Variants in TTC28 observed in about 807,000 individuals in gnomAD.
TTC28 encodes the protein tetratricopeptide repeat domain 28.
In TTC28, 61 loss-of-function variants were observed where a neutral mutation model predicts 198.0. The observed-to-expected ratio is 0.31, with a 90% CI of 0.25 to 0.38. The LOEUF is 0.38. TTC28 is among the 10% of genes least tolerant of loss of function. The pLI is 1.00. For synonymous variants in TTC28, 1,171 were observed against 1,297.8 expected (o/e 0.90, Z 2.10); for missense variants, 2,678 against 3,164.0 (o/e 0.85, Z 3.69).
intron 5 of TTC28, among the ~76,000 whole-genome samples, chr22:28,169,433 A>C (rs1446166178): frequency 6.6e-6 from 1 of 152,228 alleles, no homozygotes; most frequent in Non-Finnish European, 1.5e-5. Flanking sequence ...AATGTCCAAC[A>C]ATGATAGACT....
intron 2 of TTC28, among the ~76,000 whole-genome samples, chr22:28,491,655 G>C (rs1412143700): frequency 6.6e-6 from 1 of 152,200 alleles, no homozygotes; most frequent in Non-Finnish European, 1.5e-5. Context: ...CTTTTACACT[G>C]TTGGTGGGAC....
intron 2 of TTC28, among the ~76,000 whole-genome samples, chr22:28,468,680 C>T (rs1242226776): frequency 2.7e-5 from 4 of 148,122 alleles, no homozygotes; most frequent in Admixed American, 7.0e-5. Context: ...CCCGCCAACT[C>T]GCCCGGCTAA....
Position 28,030,257 on chromosome 22 carries a change from G to A in TTC28, c.4042C>T (p.Arg1348Trp), listed in dbSNP as rs961236168. The part of the protein sequence containing the change: ...NSVTDPTGFL[R>W]MVRRNNLFNR... Reference sequence around the variant, plus strand: ...AACAGGTTATTGCGGCGAACCATCCGCAGAAAGCCAGTGGGGTCAGTGACC... The same window carrying A: ...AACAGGTTATTGCGGCGAACCATCCACAGAAAGCCAGTGGGGTCAGTGACC... Residue 1348 changes from arginine (R) to tryptophan (W), a missense_variant, in exon 13 of 23, where the codon CGG becomes TGG. Arg to Trp is a moderately radical substitution (Grantham distance 101, BLOSUM62 -3). This residue lies in a region of TTC28 where 727 missense variants were observed against 861.9 expected (regional missense o/e 0.84). Coordinates refer to ENST00000397906, the MANE Select transcript of TTC28 (RefSeq NM_001145418.2). The A allele has an allele frequency of 2.3e-5, 35 of 1,551,732 alleles. No homozygotes were observed. The East Asian group carries it at 7.3e-4, about 33-fold the overall frequency.
At chr22:28,378,015 C>A (rs547677495) in intron 2 of TTC28, among the ~76,000 whole-genome samples, 46 of 152,000 alleles carry the variant, frequency 3.0e-4, no homozygotes, top group Non-Finnish European at 5.2e-4. Flanking sequence ...CAAAAAGACA[C>A]AAAGCAAAAA....
At chr22:28,417,457 A>T (rs572778043) in intron 2 of TTC28, among the ~76,000 whole-genome samples, 1 of 152,222 alleles carries the variant, frequency 6.6e-6, no homozygotes, top group South Asian at 2.1e-4. Flanking sequence ...CCTGGGCAAC[A>T]CAGTGAGACC....
chr22:28,308,343 C>T (rs990596596), intron 2 of TTC28, among the ~76,000 whole-genome samples: 3 of 152,094 alleles, frequency 2.0e-5, no homozygotes, highest in Non-Finnish European at 4.4e-5. Context: ...TACAGAAATG[C>T]TATATTAAAA....
chr22:28,087,566 C>G (rs954473644), intron 12 of TTC28, among the ~76,000 whole-genome samples: 23 of 152,074 alleles, frequency 1.5e-4, no homozygotes, highest in Admixed American at 9.2e-4. Flanking sequence ...TACTGAATGG[C>G]CAAAAACTGG....
At chr22:28,472,254 T>C (rs762009669) in intron 2 of TTC28, among the ~76,000 whole-genome samples, 6 of 152,172 alleles carry the variant, frequency 3.9e-5, no homozygotes, top group Non-Finnish European at 4.4e-5. Flanking sequence ...TTTTTAAAAA[T>C]ACATTGACAT....
intron 3 of TTC28, among the ~76,000 whole-genome samples, chr22:28,301,355 G>C (rs1448607762): frequency 2.0e-5 from 3 of 152,162 alleles, no homozygotes; most frequent in Non-Finnish European, 4.4e-5. Context: ...ACATGAAATA[G>C]GCAATGTCAA....
chr22:28,110,544 T>C (rs1942452861), intron 6 of TTC28, among the ~76,000 whole-genome samples: 1 of 152,190 alleles, frequency 6.6e-6, no homozygotes, highest in African/African-American at 2.4e-5. Flanking sequence ...CCATGGTAAT[T>C]CTTCTGTATA....
chr22:28,382,921 A>G (rs962524630), intron 2 of TTC28, among the ~76,000 whole-genome samples: 1 of 152,152 alleles, frequency 6.6e-6, no homozygotes, highest in South Asian at 2.1e-4. Context: ...AACCACCTTC[A>G]CCTAAATTCC....
chr22:28,193,907 G>C (rs914621854), intron 5 of TTC28, among the ~76,000 whole-genome samples: 3 of 152,040 alleles, frequency 2.0e-5, no homozygotes, highest in African/African-American at 7.2e-5. Flanking sequence ...GGATTTCCAC[G>C]ACTTGAACTC....
At chr22:28,654,339 A>T (rs567070244) in intron 1 of TTC28, among the ~76,000 whole-genome samples, 15 of 151,188 alleles carry the variant, frequency 9.9e-5, no homozygotes, top group Admixed American at 3.3e-4. Context: ...AAATATATAT[A>T]TTTTTTTGAG....
In TTC28 at chr22:28,094,112, C is replaced by T. The variant is rs1601612348; in HGVS notation, c.3900G>A (p.Arg1300=). Residue 1300 remains arginine, a synonymous_variant, in exon 12 of 23, where the codon CGG becomes CGA. Transcript: ENST00000397906. ...AGTGAGACTCCACCCCCAGGGCCTC[C>T]CGGACACTGGCAATGTGCTGCTCCA... ...SALEQHIASV[R]EALGVESHYS... is the part of the protein sequence containing the mutation. The T allele has an allele frequency of 6.4e-7, 1 of 1,551,010 alleles. No individual in the cohort carries two copies. Among genetic ancestry groups the T allele is most frequent in the Non-Finnish European group, 8.7e-7 (1 of 1,146,730 alleles).
intron 2 of TTC28, among the ~76,000 whole-genome samples, chr22:28,377,269 A>C (rs1015378117): frequency 2.0e-5 from 3 of 151,598 alleles, no homozygotes; most frequent in Non-Finnish European, 4.4e-5. Context: ...AAAAAAAAAA[A>C]AACCTTGTAA....
At chr22:28,460,538 A>C (rs1320753383) in intron 2 of TTC28, among the ~76,000 whole-genome samples, 2 of 151,632 alleles carry the variant, frequency 1.3e-5, no homozygotes, top group Non-Finnish European at 2.9e-5. Context: ...GAGCTATCTA[A>C]TATGTATATA....
intron 12 of TTC28, among the ~76,000 whole-genome samples, chr22:28,078,347 G>A (rs549511792): frequency 1.9e-4 from 29 of 152,092 alleles, no homozygotes; most frequent in Non-Finnish European, 3.4e-4. Flanking sequence ...CAGCATGAAC[G>A]GAGTCTGCTT....
chr22:28,021,010 C>T (rs1938574838), intron 13 of TTC28, among the ~76,000 whole-genome samples: 1 of 152,208 alleles, frequency 6.6e-6, no homozygotes, highest in African/African-American at 2.4e-5. Context: ...TCCAAGGCAG[C>T]ATTTCTGCAG....
intron 5 of TTC28, among the ~76,000 whole-genome samples, chr22:28,180,131 C>A (rs1456721053): frequency 6.6e-6 from 1 of 152,106 alleles, no homozygotes; most frequent in Non-Finnish European, 1.5e-5. Context: ...AAACAGAAAA[C>A]TGAATCATGT....
Sources: allele counts gnomAD v4.1 joint callset (sites outside exome capture counted in the v4.1 genomes callset), GRCh38; gene constraint gnomAD v4.1.1; regional missense constraint gnomAD v4.1.1; transcripts MANE v1.5; gene names NCBI Gene and HGNC (gene_info 2026-07-23, HGNC 2026-07-21).